NBEAL1: variants seen among roughly 807,000 people sequenced by gnomAD.
The protein encoded by NBEAL1 is neurobeachin like 1.
In NBEAL1, 273 loss-of-function variants were observed where a neutral mutation model predicts 351.3. That is an observed-to-expected ratio of 0.78 (90% CI 0.70 to 0.86). The LOEUF (loss-of-function observed/expected upper bound fraction) is 0.86, where lower values mean the gene tolerates loss of function less well. Ranked by LOEUF, NBEAL1 falls within the 40% of genes least tolerant of loss-of-function variation. NBEAL1 has a pLI of 0.00. For synonymous variants in NBEAL1, 1,050 were observed against 1,086.4 expected, an observed-to-expected ratio of 0.97 and a Z score of 0.66; for missense variants, 2,961 against 3,201.3, an observed-to-expected ratio of 0.92 and a Z score of 1.81.
chr2:203,204,435 A>G (rs2105822801), intron 51 of NBEAL1, among the ~76,000 whole-genome samples: 1 of 150,842 alleles, frequency 6.6e-6, no homozygotes, highest in Admixed American at 6.6e-5. Flanking sequence ...GGCTCAAGCA[A>G]TCCTTGCTTC....
rs201796396 is a variant in NBEAL1 at position 203,221,373 on chromosome 2, A to G, written c.*4019A>G. Among the ~76,000 whole-genome samples the G allele has an allele frequency of 2.0e-4, 30 of 151,030 alleles. No individual in the cohort carries two copies. The East Asian group carries it at 5.6e-3, about 28-fold the overall frequency. On this transcript the variant is annotated 3_prime_UTR_variant, in exon 56 of 56. Transcript: ENST00000683969. ...TAGGACTATATTAAATATAAATATT[A>G]TATTATTAAATAATATATGTAATAT...
chr2:203,170,394 C>A (rs1301983210), intron 39 of NBEAL1, among the ~76,000 whole-genome samples: 2 of 151,820 alleles, frequency 1.3e-5, no homozygotes, highest in African/African-American at 2.4e-5. Context: ...ATAATAATAA[C>A]ATGGGTTTTA....
intron 18 of NBEAL1, among the ~76,000 whole-genome samples, chr2:203,120,500 A>G (rs909032016): frequency 6.6e-6 from 1 of 152,202 alleles, no homozygotes; most frequent in Non-Finnish European, 1.5e-5. Context: ...TTGTGTTTTA[A>G]AAGACAAGGT....
At chr2:203,031,013 A>G (rs1185849572) in intron 2 of NBEAL1, among the ~76,000 whole-genome samples, 1 of 152,246 alleles carries the variant, frequency 6.6e-6, no homozygotes, top group Non-Finnish European at 1.5e-5. Flanking sequence ...ATATCACGGA[A>G]TCTGAAAACA....
chr2:203,109,167 G>T (rs1352377216), intron 14 of NBEAL1, among the ~76,000 whole-genome samples: 1 of 152,150 alleles, frequency 6.6e-6, no homozygotes, highest in African/African-American at 2.4e-5. Context: ...GACCAGTCTG[G>T]TCAGTATGGA....
In NBEAL1 at chr2:203,224,846, T is replaced by C. The variant is rs1477143178; in HGVS notation, c.*7492T>C. 6.6e-6 allele frequency among the ~76,000 whole-genome samples: 1 copy of C among 152,196 alleles called. No individual in the cohort carries two copies. The highest frequency in any genetic ancestry group is 6.5e-5 in the Admixed American group (1 of 15,272). On this transcript the variant is annotated 3_prime_UTR_variant, in exon 56 of 56. Transcript: ENST00000683969. The stretch of plus-strand genomic sequence containing the variant: ...AAAGCTGAGCAATTTTTAATAAAGA[T>C]GTATAAATAATTTTGATTATTCTCA...
At chr2:203,207,808 C>T (rs190834170) in intron 51 of NBEAL1, among the ~76,000 whole-genome samples, 1 of 152,208 alleles carries the variant, frequency 6.6e-6, no homozygotes, top group African/African-American at 2.4e-5. Context: ...AAAGAAACTA[C>T]AAGAAAGAGA....
intron 35 of NBEAL1, among the ~76,000 whole-genome samples, chr2:203,154,298 A>T (rs904350631): frequency 2.0e-4 from 30 of 152,162 alleles, no homozygotes; most frequent in Non-Finnish European, 3.1e-4. Flanking sequence ...AGAAAAAAAA[A>T]TTATATATTT....
intron 10 of NBEAL1, among the ~76,000 whole-genome samples, chr2:203,094,492 G>A (rs1425585855): frequency 6.6e-6 from 1 of 152,118 alleles, no homozygotes; most frequent in Non-Finnish European, 1.5e-5. Context: ...GGAAACTTTG[G>A]CAAATAAAGT....
chr2:203,078,063 T>C (rs1474011299), intron 8 of NBEAL1, among the ~76,000 whole-genome samples: 1 of 152,180 alleles, frequency 6.6e-6, no homozygotes, highest in Non-Finnish European at 1.5e-5. Flanking sequence ...CAATTTTTGG[T>C]ATTGTAAGTT....
chr2:203,219,334 A>C lies in NBEAL1; in HGVS notation c.*1980A>C, dbSNP rs1373504797. 6.6e-6 allele frequency: 1 copy of C among 152,108 alleles called. No homozygotes were observed. Among genetic ancestry groups the C allele is most frequent in the African/African-American group, 2.4e-5 (1 of 41,416 alleles). 9.4% of individuals were successfully genotyped at this position (152,108 alleles called of 1,614,324 possible). A position where few individuals can be genotyped will look rare whatever the true frequency, so the allele number is the denominator to read the frequency against. The stretch of plus-strand genomic sequence containing the variant: ...TTAAGATTACTTAATACTGGATTTG[A>C]AAATTATTTTGGATGCTTATAAGTT... On this transcript the variant is annotated 3_prime_UTR_variant, in exon 56 of 56. Coordinates refer to ENST00000683969, the MANE Select transcript of NBEAL1 (RefSeq NM_001378026.1).
At chr2:203,074,489 A>G (rs1315338494) in intron 7 of NBEAL1, among the ~76,000 whole-genome samples, 1 of 151,438 alleles carries the variant, frequency 6.6e-6, no homozygotes, top group East Asian at 1.9e-4. Context: ...CATCATACCC[A>G]GCTAATTTTT....
intron 2 of NBEAL1, among the ~76,000 whole-genome samples, chr2:203,026,710 TC>T (rs2060864278): frequency 2.0e-5 from 3 of 152,188 alleles, no homozygotes; most frequent in Non-Finnish European, 4.4e-5. Context: ...AGACAGTGTT[TC>T]ACCATGTTGG....
In NBEAL1 at chr2:203,083,454, C is replaced by G; in HGVS notation, c.920C>G (p.Ser307Ter). Residue 307 changes from serine to a stop codon, truncating the protein, a stop_gained, in exon 9 of 56, where the codon TCA (serine) becomes TGA (stop). Transcript: ENST00000683969. LOFTEE classifies it high-confidence loss of function. ...NYFKLLNSDH[S>*]ALPNQRRSRQ... ...TTTAAATTGCTAAATTCAGATCATT[C>G]AGCTTTACCTAATCAAAGGAGGTCC... 1 of 1,553,000 alleles carries G rather than the reference C, an allele frequency of 6.4e-7. No individual in the cohort carries two copies. Among genetic ancestry groups the G allele is most frequent in the Non-Finnish European group, 8.7e-7 (1 of 1,147,220 alleles).
intron 35 of NBEAL1, among the ~76,000 whole-genome samples, chr2:203,153,794 A>G (rs1195497946): frequency 2.6e-5 from 4 of 152,160 alleles, no homozygotes; most frequent in Non-Finnish European, 5.9e-5. Context: ...ATAGTGTTCC[A>G]TATTATTTTC....
rs2106095201 is a variant in NBEAL1, at chr2:203,057,418, T to C, written c.480T>C (p.Tyr160=). ...IHALAFCESL[Y]DPYRNWRHRI... is the part of the protein sequence containing the mutation. The stretch of plus-strand genomic sequence containing the variant: ...CATTGGCATTTTGTGAAAGCTTATA[T>C]GATCCATATCGGAATTGGAGACATA... The change falls in exon 6 of 56, where the codon TAT becomes TAC. Residue 160 remains tyrosine (Y), a synonymous_variant. Transcript: ENST00000683969. The C allele has an allele frequency of 2.6e-6, 4 of 1,552,690 alleles. No homozygotes were observed. In the South Asian group the frequency reaches 4.7e-5, roughly 18 times the overall value.
Position 203,144,691 on chromosome 2 carries a change from T to A in NBEAL1, c.4940T>A (p.Leu1647Gln), listed in dbSNP as rs1172644490. The change falls in exon 32 of 56, where the codon CTG becomes CAG. Residue 1647 changes from leucine (L) to glutamine (Q), a missense_variant. By Grantham distance (113) the Leu-to-Gln change is moderately radical (BLOSUM62 -2). Coordinates refer to ENST00000683969, the MANE Select transcript of NBEAL1 (RefSeq NM_001378026.1). ...QDEACYILGKLEHVLSQSIKE... is the reference protein window; with the variant it reads ...QDEACYILGKQEHVLSQSIKE... ...GAAGCATGTTACATTTTAGGGAAGC[T>A]GGAACATGTTCTAAGTCAATCAATC... 6 of 1,614,070 alleles carry A rather than the reference T, an allele frequency of 3.7e-6. No individual in the cohort carries two copies. Among genetic ancestry groups the A allele is most frequent in the Non-Finnish European group, 5.1e-6 (6 of 1,180,014 alleles).
chr2:203,217,711 T>C lies in NBEAL1; in HGVS notation c.*357T>C. 1.0e-6 allele frequency: 1 copy of C among 969,898 alleles called. No individual in the cohort carries two copies. Among genetic ancestry groups the C allele is most frequent in the Non-Finnish European group, 1.2e-6 (1 of 814,980 alleles). The allele number at this position is 969,898 out of a possible 1,614,324, so 60.1% of individuals were successfully genotyped here. A position where few individuals can be genotyped will look rare whatever the true frequency, so the allele number is the denominator to read the frequency against. On this transcript the variant is annotated 3_prime_UTR_variant, in exon 56 of 56. Coordinates refer to ENST00000683969, the MANE Select transcript of NBEAL1 (RefSeq NM_001378026.1). ...GACAGTTGAGAGAGATGGCTTTAAA[T>C]ACATTCTTAAGTAATCATTTTCCTA... is the stretch of plus-strand genomic sequence containing the variant.
chr2:203,134,585 C>G (rs968222178), intron 27 of NBEAL1, among the ~76,000 whole-genome samples: 1 of 152,124 alleles, frequency 6.6e-6, no homozygotes, highest in African/African-American at 2.4e-5. Flanking sequence ...ACTCAAAACC[C>G]TGGAAGCTAG....
Sources: gnomAD v4.1 joint callset for allele counts (sites outside exome capture counted in the v4.1 genomes callset) on GRCh38, gnomAD v4.1.1 for gene constraint, MANE v1.5 for transcripts, NCBI Gene and HGNC (gene_info 2026-07-23, HGNC 2026-07-21) for gene names.